Variants in SMIM41 observed in about 807,000 individuals in gnomAD.
The protein encoded by SMIM41 is small integral membrane protein 41.
At chr12:52,104,446 G>T in intron 2 of SMIM41, 1 of 175,810 alleles carries the variant, frequency 5.7e-6, no homozygotes, top group South Asian at 1.7e-4. Context: ...GATGGAGTCT[G>T]AGCCTCCATC....
At chr12:52,097,734 A>G (rs961625693) in intron 2 of SMIM41, among the ~76,000 whole-genome samples, 6 of 152,018 alleles carry the variant, frequency 3.9e-5, no homozygotes, top group Admixed American at 2.0e-4. Context: ...TCCATATATT[A>G]AGAACAATAC....
intron 2 of SMIM41, among the ~76,000 whole-genome samples, chr12:52,097,166 C>T (rs1940113189): frequency 6.6e-6 from 1 of 152,042 alleles, no homozygotes; most frequent in Non-Finnish European, 1.5e-5. Context: ...TGATATTGTT[C>T]CTAATATTCA....
chr12:52,086,764 C>G (rs758383002), intron 2 of SMIM41, among the ~76,000 whole-genome samples: 3 of 152,248 alleles, frequency 2.0e-5, no homozygotes, highest in Non-Finnish European at 4.4e-5. Flanking sequence ...CCCTTGACCT[C>G]TTTTACCTCT....
At chr12:52,096,891 A>G (rs1592327523) in intron 2 of SMIM41, among the ~76,000 whole-genome samples, 1 of 152,158 alleles carries the variant, frequency 6.6e-6, no homozygotes, top group East Asian at 1.9e-4. Flanking sequence ...AGACGATGAC[A>G]TTACTGCAAA....
intron 2 of SMIM41, among the ~76,000 whole-genome samples, chr12:52,102,486 A>G (rs1444801905): frequency 6.6e-6 from 1 of 152,248 alleles, no homozygotes; most frequent in Non-Finnish European, 1.5e-5. Flanking sequence ...TATATCTGAA[A>G]AGAGGCTGAT....
rs1939791404 is a variant in SMIM41, at chr12:52,079,862, C to T, written c.83C>T (p.Pro28Leu). The change falls in exon 1 of 3, where the codon CCC becomes CTC. Residue 28 changes from proline (P) to leucine (L), a missense_variant. Transcript: ENST00000546390. ...AACCAGTCGGCGTCGCCGCCGGAGC[C>T]CCCCGAGGGGCCGCGCGCGGTGCAG... ...CCNQSASPPE[P>L]PEGPRAVQAV... 2 of 392,144 alleles carry T rather than the reference C, an allele frequency of 5.1e-6. No homozygotes were observed. Among genetic ancestry groups the T allele is most frequent in the Admixed American group, 8.9e-5 (2 of 22,482 alleles). 24.3% of individuals were successfully genotyped at this position (392,144 alleles called of 1,614,324 possible).
intron 2 of SMIM41, among the ~76,000 whole-genome samples, chr12:52,102,713 T>C (rs1222716197): frequency 1.3e-5 from 2 of 152,128 alleles, no homozygotes; most frequent in African/African-American, 4.8e-5. Flanking sequence ...TAAACAAGCA[T>C]TGGTGAAACG....
intron 2 of SMIM41, among the ~76,000 whole-genome samples, chr12:52,089,665 G>A (rs1417279196): frequency 2.0e-5 from 3 of 152,138 alleles, no homozygotes; most frequent in African/African-American, 4.8e-5. Context: ...CCTTGCCTCC[G>A]CCTCGCTTCC....
rs538976428 is a variant in SMIM41, at chr12:52,095,244, G to A, written c.*195+11276G>A. 8.6e-5 allele frequency among the ~76,000 whole-genome samples: 13 copies of A among 151,710 alleles called. No homozygotes were observed. In the East Asian group the frequency reaches 2.5e-3, roughly 30 times the overall value. On this transcript the variant is annotated intron_variant, in intron 2 of 2. Coordinates refer to ENST00000546390, the MANE Select transcript of SMIM41 (RefSeq NM_001369216.1). ...ATTACAATCCACATCGCAGGGGGTC[G>A]GGCGCCCCCCGCGATGCGGGGAGTA... is the stretch of plus-strand genomic sequence containing the variant.
intron 2 of SMIM41, among the ~76,000 whole-genome samples, chr12:52,086,144 A>T (rs1321884498): frequency 2.0e-5 from 3 of 152,124 alleles, no homozygotes; most frequent in Non-Finnish European, 4.4e-5. Flanking sequence ...GAGCCCGAGG[A>T]GTGGGCTCTC....
intron 2 of SMIM41, among the ~76,000 whole-genome samples, chr12:52,107,087 G>C (rs1239082289): frequency 1.3e-5 from 2 of 152,158 alleles, no homozygotes; most frequent in East Asian, 3.8e-4. Flanking sequence ...GAACATTCTT[G>C]AATCTAGTGT....
intron 2 of SMIM41, among the ~76,000 whole-genome samples, chr12:52,090,905 A>G (rs1939990615): frequency 6.6e-6 from 1 of 152,232 alleles, no homozygotes; most frequent in Non-Finnish European, 1.5e-5. Context: ...ATACACACTG[A>G]ACCTCACTGG....
chr12:52,096,461 T>TGTG (rs1188356015), intron 2 of SMIM41, among the ~76,000 whole-genome samples: 2 of 152,066 alleles, frequency 1.3e-5, no homozygotes, highest in Non-Finnish European at 2.9e-5. Flanking sequence ...GTACACCCAC[T>TGTG]GTGGTATTAG....
chr12:52,101,231 T>C (rs1368143362), intron 2 of SMIM41, among the ~76,000 whole-genome samples: 6 of 152,162 alleles, frequency 3.9e-5, no homozygotes, highest in Non-Finnish European at 2.9e-5. Context: ...GAGACCCTCC[T>C]GGCCAACATA....
chr12:52,094,239 A>C (rs1342723169), intron 2 of SMIM41, among the ~76,000 whole-genome samples: 2 of 143,646 alleles, frequency 1.4e-5, no homozygotes, highest in Non-Finnish European at 3.0e-5. Context: ...TCTGTCACCC[A>C]GGCTGGAGTG....
intron 2 of SMIM41, among the ~76,000 whole-genome samples, chr12:52,090,943 T>A (rs949407132): frequency 3.9e-5 from 6 of 152,190 alleles, no homozygotes; most frequent in Non-Finnish European, 8.8e-5. Context: ...TAGTGAAGGA[T>A]CAAGTAAGGG....
At chr12:52,105,419 C>T (rs143127431) in intron 2 of SMIM41, among the ~76,000 whole-genome samples, 1,594 of 152,288 alleles carry the variant, frequency 0.01, 19 homozygotes, top group African/African-American at 0.036. Flanking sequence ...CAAAAATGCT[C>T]CTCAGATGTA....
rs1939822434 is a variant in SMIM41, at chr12:52,081,729, CCT to C, written c.*120+1552_*120+1553del. ...CTGTCACCCTCTGGCCCCATACTCT[CCT>C]CTCCTTTCCCAGCTGGGAGAGAGGG... On this transcript the variant is annotated intron_variant, in intron 1 of 2. Transcript: ENST00000546390. This position sits in a 1 kb window ranked among gnomAD's most constrained non-coding sequence, Gnocchi z 4.1. Among the ~76,000 whole-genome samples, 1 of 152,174 alleles carries C rather than the reference CCT, an allele frequency of 6.6e-6. No homozygotes were observed. The highest frequency in any genetic ancestry group is 1.5e-5 in the Non-Finnish European group (1 of 68,024).
At chr12:52,091,571 C>T (rs1940004943) in intron 2 of SMIM41, among the ~76,000 whole-genome samples, 1 of 152,204 alleles carries the variant, frequency 6.6e-6, no homozygotes, top group South Asian at 2.1e-4. Context: ...TGCTCAAATG[C>T]CAGCTCTGTT....
Sources: gnomAD v4.1 joint callset for allele counts (sites outside exome capture counted in the v4.1 genomes callset) on GRCh38, gnomAD v4.1.1 for gene constraint, Gnocchi (gnomAD v3.1) non-coding constraint, MANE v1.5 for transcripts, NCBI Gene and HGNC (gene_info 2026-07-23, HGNC 2026-07-21) for gene names.